TENM1: variants seen among roughly 807,000 people sequenced by gnomAD.
TENM1 encodes the protein teneurin transmembrane protein 1.
TENM1 carries 35 observed loss-of-function variants against 174.8 expected under a neutral mutation model. That is an observed-to-expected ratio of 0.20 (90% CI 0.15 to 0.27). TENM1 has a LOEUF of 0.27. Ranked by LOEUF, TENM1 falls within the 10% of genes least tolerant of loss-of-function variation. The pLI, the probability that TENM1 is intolerant of heterozygous loss-of-function variation, is 1.00. For missense variants in TENM1, 1,633 were observed against 2,130.1 expected (o/e 0.77, Z 4.59); for synonymous variants, 781 against 798.7 (o/e 0.98, Z 0.37).
At chrX:124,861,535 C>T (rs190979175) in intron 3 of TENM1, among the ~76,000 whole-genome samples, 13 of 111,761 alleles carry the variant, frequency 1.2e-4, no homozygotes, top group South Asian at 3.7e-4. Context: ...GGTGTGACTA[C>T]CCTATAGATC....
intron 4 of TENM1, 21 bp downstream of exon 7, chrX:124,736,936 G>A: frequency 8.4e-7 from 1 of 1,189,994 alleles, no homozygotes; most frequent in Non-Finnish European, 1.1e-6. Context: ...AGTTTAGTGG[G>A]ATCAATAATA....
At chrX:124,942,027 C>G (rs904364578) in intron 1 of TENM1, among the ~76,000 whole-genome samples, 1 of 111,508 alleles carries the variant, frequency 9.0e-6, no homozygotes, top group Non-Finnish European at 1.9e-5. Flanking sequence ...CCCCATGATT[C>G]AATTTTCTCT....
chrX:124,846,285 A>C (rs1603243306), intron 3 of TENM1, among the ~76,000 whole-genome samples: 1 of 110,888 alleles, frequency 9.0e-6, no homozygotes, highest in Non-Finnish European at 1.9e-5. Context: ...CTGAAAATTT[A>C]TTTCCCAATA....
At chrX:125,084,069 T>C in the TENM1 span, among the ~76,000 whole-genome samples, 10 of 111,295 alleles carry the variant, frequency 9.0e-5, no homozygotes, top group African/African-American at 2.6e-4. Flanking sequence ...AGGAAGGATT[T>C]TGCTCAAAAA....
At chrX:124,825,158 CTTTTTTT>C (rs745471230) in intron 3 of TENM1, among the ~76,000 whole-genome samples, 1 of 61,007 alleles carries the variant, frequency 1.6e-5, no homozygotes, top group African/African-American at 6.3e-5. Context: ...AGCTGACTTT[CTTTTTTT>C]TTTTTTTTTT....
At chrX:124,537,348 T>TA (rs980711939) in intron 15 of TENM1, among the ~76,000 whole-genome samples, 1 of 111,582 alleles carries the variant, frequency 9.0e-6, no homozygotes, top group African/African-American at 3.3e-5. Flanking sequence ...ATACTTTCCT[T>TA]ACCTTATTTC....
At chrX:124,556,667 A>C (rs1249214051) in intron 14 of TENM1, among the ~76,000 whole-genome samples, 1 of 110,264 alleles carries the variant, frequency 9.1e-6, no homozygotes, top group Non-Finnish European at 1.9e-5. Flanking sequence ...TTTGTTTCCT[A>C]ATCTTAAAAA....
At chrX:124,897,562 A>T (rs757458412) in intron 1 of TENM1, among the ~76,000 whole-genome samples, 35 of 112,708 alleles carry the variant, frequency 3.1e-4, no homozygotes, top group Non-Finnish European at 4.5e-4. Flanking sequence ...ATTACCAAAT[A>T]AGGGTTTAAC....
rs1264221415 is a variant in TENM1 at position 124,930,731 on chromosome X, G to T, written c.217+32806C>A. Among the ~76,000 whole-genome samples, 6 of 110,627 alleles carry T rather than the reference G, an allele frequency of 5.4e-5. No homozygotes were observed. The East Asian group carries it at 1.4e-3, about 26-fold the overall frequency. ...TTGAGAGTCAAATACATGCCTGAAA[G>T]AATCCTTTTAAAGCTAACCCTCAAA... On this transcript the variant is annotated intron_variant, in intron 1 of 31. Transcript: ENST00000422452.
chrX:125,010,630 C>T, the TENM1 span, among the ~76,000 whole-genome samples: 4 of 108,556 alleles, frequency 3.7e-5, no homozygotes, highest in African/African-American at 6.7e-5. Context: ...CTGGCTAACA[C>T]GATGAAACAC....
intron 14 of TENM1, among the ~76,000 whole-genome samples, chrX:124,559,103 T>A (rs1250774269): frequency 8.9e-6 from 1 of 111,985 alleles, no homozygotes; most frequent in East Asian, 2.8e-4. Flanking sequence ...AAATATTCAA[T>A]TATTTTTATT....
intron 3 of TENM1, among the ~76,000 whole-genome samples, chrX:124,828,795 G>A (rs2056224807): frequency 9.0e-6 from 1 of 111,729 alleles, no homozygotes; most frequent in African/African-American, 3.3e-5. Flanking sequence ...CTGACTTCCA[G>A]CTAAACACAA....
intron 11 of TENM1, among the ~76,000 whole-genome samples, chrX:124,618,254 T>C (rs998729400): frequency 8.9e-5 from 10 of 111,759 alleles, no homozygotes; most frequent in African/African-American, 3.2e-4. Context: ...CAAATTATTA[T>C]GTATATGTAC....
intron 3 of TENM1, among the ~76,000 whole-genome samples, chrX:124,811,169 T>C (rs1307353772): frequency 9.0e-6 from 1 of 111,487 alleles, no homozygotes. Context: ...AAAATGAGAT[T>C]ACATCAAACT....
chrX:124,624,350 A>C (rs2050588317), intron 11 of TENM1, among the ~76,000 whole-genome samples: 1 of 111,557 alleles, frequency 9.0e-6, no homozygotes, highest in Non-Finnish European at 1.9e-5. Context: ...ACAATCCCTA[A>C]AAACTTGGTT....
chrX:125,004,350 T>G, the TENM1 span, among the ~76,000 whole-genome samples: 3 of 111,912 alleles, frequency 2.7e-5, no homozygotes, highest in South Asian at 1.1e-3. Context: ...ACGGTCATAA[T>G]GAACCCTAGG....
chrX:124,593,259 C>G (rs950674999), intron 11 of TENM1, among the ~76,000 whole-genome samples: 11 of 111,528 alleles, frequency 9.9e-5, no homozygotes, highest in Admixed American at 4.7e-4. Flanking sequence ...GATCTCTGCA[C>G]AGGAAGGATG....
chrX:125,061,443 T>C, the TENM1 span, among the ~76,000 whole-genome samples: 3 of 112,008 alleles, frequency 2.7e-5, no homozygotes, highest in Non-Finnish European at 5.6e-5. Context: ...CTGTTTAGCA[T>C]TGTGCTTGGC....
chrX:125,052,311 C>T, the TENM1 span, among the ~76,000 whole-genome samples: 1 of 111,780 alleles, frequency 8.9e-6, no homozygotes, highest in Non-Finnish European at 1.9e-5. Context: ...CTCAAATGGA[C>T]AGGGCCAAAT....
Sources: allele counts gnomAD v4.1 joint callset (sites outside exome capture counted in the v4.1 genomes callset), GRCh38; gene constraint gnomAD v4.1.1; transcripts MANE v1.5; gene names NCBI Gene and HGNC (gene_info 2026-07-23, HGNC 2026-07-21).